The following CNGB1 variants were observed in gnomAD, a reference collection of about 807,000 sequenced individuals.
CNGB1 encodes cyclic nucleotide gated channel subunit beta 1.
Under a neutral mutation model 151.7 loss-of-function variants are expected in CNGB1, and 126 were observed. The ratio of observed to expected loss-of-function variants is 0.83; its 90% confidence interval spans 0.72 to 0.96. The LOEUF (loss-of-function observed/expected upper bound fraction) is 0.96. CNGB1 is among the 40% of genes least tolerant of loss of function. The probability of loss-of-function intolerance (pLI) is 0.00; values close to 1 mark genes in which losing one functional copy is unlikely to be tolerated. For synonymous variants in CNGB1, 623 were observed against 635.1 expected (o/e 0.98, Z 0.29); for missense variants, 1,698 against 1,627.0 (o/e 1.04, Z -0.75).
At chr16:57,960,451 G>A (rs1428503369) in intron 9 of CNGB1, 31 bp downstream of exon 9, 1 of 1,610,646 alleles carries the variant, frequency 6.2e-7, no homozygotes, top group East Asian at 2.2e-5. Context: ...ACCATCCCAG[G>A]CAGCCCCCTC....
intron 6 of CNGB1, 116 bp from the exon 7 acceptor site, chr16:57,962,726 C>A: frequency 1.3e-6 from 2 of 1,568,960 alleles, no homozygotes; most frequent in South Asian, 2.2e-5. Flanking sequence ...AAAGCAGGGT[C>A]AGTCAGGTGA....
At chr16:57,963,714 C>T (rs1458740843) in intron 4 of CNGB1, among the ~76,000 whole-genome samples, 1 of 152,222 alleles carries the variant, frequency 6.6e-6, no homozygotes, top group African/African-American at 2.4e-5. Context: ...CACCCAAGCA[C>T]TGAGAAACGT....
chr16:57,967,412 G>T, intron 1 of CNGB1, 118 bp from the exon 2 acceptor site: 1 of 1,085,392 alleles, frequency 9.2e-7, no homozygotes, highest in Non-Finnish European at 1.4e-6. Context: ...AAAACATTTC[G>T]ACTGGGTGCG....
At position 57,883,363 on chromosome 16, in the gene CNGB1, C is replaced by T. The variant is rs1173799400; in HGVS notation, c.*801G>A. 1 of 152,668 alleles carries T rather than the reference C, an allele frequency of 6.6e-6. No homozygotes were observed. Among genetic ancestry groups the T allele is most frequent in the Non-Finnish European group, 1.5e-5 (1 of 68,440 alleles). The allele number at this position is 152,668 out of a possible 1,614,324, so 9.5% of individuals were successfully genotyped here. ...ATGTTGCCCAGGCTGGTCTTGAACT[C>T]CTGGTCTCAAACAATCCTCCCATCT... is the stretch of plus-strand genomic sequence containing the variant. On this transcript the variant is annotated 3_prime_UTR_variant, in exon 33 of 33. Transcript: ENST00000251102.
intron 14 of CNGB1, among the ~76,000 whole-genome samples, chr16:57,946,058 G>C (rs1468809915): frequency 6.6e-6 from 1 of 152,114 alleles, no homozygotes; most frequent in African/African-American, 2.4e-5. Context: ...GCCTGCCAAG[G>C]CCCCCTCTTG....
rs1961921455 is a variant in CNGB1 at position 57,950,497 on chromosome 16, T to C, written c.918A>G (p.Leu306=). 6.2e-7 allele frequency: 1 copy of C among 1,614,088 alleles called. No homozygotes were observed. The highest frequency in any genetic ancestry group is 1.3e-5 in the African/African-American group (1 of 74,940). The change falls in exon 13 of 33, where the codon CTA becomes CTG. Residue 306 remains leucine (L), a synonymous_variant. Coordinates refer to ENST00000251102, the MANE Select transcript of CNGB1 (RefSeq NM_001297.5). ...PGGQVEPDLV[L]EEVEPPWEDA... ...CCTCCCAGGGCGGTTCAACCTCCTC[T>C]AGGACAAGGTCAGGCTCCACTTGTC...
intron 12 of CNGB1, among the ~76,000 whole-genome samples, chr16:57,950,842 G>C (rs1295270454): frequency 1.3e-5 from 2 of 152,208 alleles, no homozygotes; most frequent in Non-Finnish European, 2.9e-5. Flanking sequence ...TTAAAGGTTT[G>C]TGCAGAGGCA....
chr16:57,958,941 T>A (rs1215988835), intron 10 of CNGB1, among the ~76,000 whole-genome samples: 19 of 120,574 alleles, frequency 1.6e-4, no homozygotes, highest in East Asian at 9.2e-4. Flanking sequence ...TTTTTTTTTT[T>A]AATTTTTTGT....
intron 16 of CNGB1, chr16:57,937,505 A>C (rs911910926): frequency 1.3e-5 from 2 of 152,370 alleles, no homozygotes; most frequent in African/African-American, 2.4e-5. Context: ...TTCAACGTCT[A>C]ATGTGTCATC....
At chr16:57,910,695 T>TTC (rs1555489150) in intron 25 of CNGB1, among the ~76,000 whole-genome samples, 3 of 144,348 alleles carry the variant, frequency 2.1e-5, no homozygotes, top group African/African-American at 7.9e-5. Flanking sequence ...TTTTTTTTTT[T>TTC]CCCAAGCAGA....
intron 16 of CNGB1, chr16:57,937,061 T>C (rs1961530878): frequency 6.6e-6 from 1 of 152,310 alleles, no homozygotes; most frequent in Admixed American, 6.5e-5. Context: ...GCCACAGATA[T>C]GAGAATGCTG....
intron 12 of CNGB1, among the ~76,000 whole-genome samples, chr16:57,954,360 G>C (rs1962033254): frequency 6.6e-6 from 1 of 152,174 alleles, no homozygotes; most frequent in Non-Finnish European, 1.5e-5. Context: ...TGCCCAGACT[G>C]TCCTCACAAG....
intron 18 of CNGB1, 24 bp downstream of exon 18, chr16:57,923,249 T>G (rs1961094381): frequency 1.2e-5 from 18 of 1,558,668 alleles, no homozygotes; most frequent in Non-Finnish European, 1.6e-5. Flanking sequence ...CTTTCAATTT[T>G]CTGAGACCCC....
At chr16:57,909,446 C>T (rs567814575) in intron 25 of CNGB1, among the ~76,000 whole-genome samples, 3 of 152,220 alleles carry the variant, frequency 2.0e-5, no homozygotes, top group East Asian at 1.9e-4. Flanking sequence ...AGTACAGTGG[C>T]GCAATTTTGG....
chr16:57,897,672 C>A, intron 30 of CNGB1, 124 bp downstream of exon 30: 1 of 1,532,206 alleles, frequency 6.5e-7, no homozygotes, highest in Admixed American at 1.7e-5. Context: ...CGCCCCCATC[C>A]CCGCATACAT....
intron 16 of CNGB1, among the ~76,000 whole-genome samples, chr16:57,932,250 C>A (rs76912005): frequency 0.18 from 27,512 of 152,132 alleles, 2,760 homozygotes; most frequent in South Asian, 0.29. Flanking sequence ...CACAGGAGAG[C>A]CAGAGTCCTG....
intron 17 of CNGB1, among the ~76,000 whole-genome samples, chr16:57,927,421 G>A (rs1961220090): frequency 1.3e-5 from 2 of 152,206 alleles, no homozygotes; most frequent in South Asian, 2.1e-4. Context: ...TCTCAGGGCT[G>A]GGCTCAGGCA....
chr16:57,932,040 C>G (rs1281820059), intron 16 of CNGB1, among the ~76,000 whole-genome samples, 162 bp from the exon 17 acceptor site: 1 of 152,148 alleles, frequency 6.6e-6, no homozygotes, highest in South Asian at 2.1e-4. Flanking sequence ...GCAGGGGGTA[C>G]AGGAACGTGG....
chr16:57,946,813 C>T (rs1961821954), intron 14 of CNGB1, among the ~76,000 whole-genome samples: 1 of 152,194 alleles, frequency 6.6e-6, no homozygotes, highest in Admixed American at 6.5e-5. Context: ...CTGTGATCAC[C>T]AACTCTGTCA....
Sources: gnomAD v4.1 joint callset for allele counts (sites outside exome capture counted in the v4.1 genomes callset) on GRCh38, gnomAD v4.1.1 for gene constraint, MANE v1.5 for transcripts, NCBI Gene and HGNC (gene_info 2026-07-23, HGNC 2026-07-21) for gene names.